Variants in DDX1 observed in about 807,000 individuals in gnomAD.
The protein encoded by DDX1 is ATP-dependent RNA helicase DDX1.
In DDX1, 28 loss-of-function variants were observed where a neutral mutation model predicts 108.7. The ratio of observed to expected loss-of-function variants is 0.26; its 90% CI spans 0.19 to 0.35. The LOEUF is 0.35. Ranked by LOEUF, DDX1 falls within the 10% of genes least tolerant of loss-of-function variation. The pLI is 1.00. For missense variants in DDX1, 710 were observed against 884.5 expected, an observed-to-expected ratio of 0.80 and a Z score of 2.50; for synonymous variants, 295 against 288.9, an observed-to-expected ratio of 1.02 and a Z score of -0.21.
Position 15,603,192 on chromosome 2 carries a change from G to A in DDX1, c.392G>A (p.Gly131Glu), listed in dbSNP as rs1416401709. The A allele has an allele frequency of 2.5e-6, 4 of 1,605,406 alleles. No individual in the cohort carries two copies. Among genetic ancestry groups the A allele is most frequent in the Non-Finnish European group, 2.6e-6 (3 of 1,174,546 alleles). The change falls in exon 8 of 26, where the codon GGG becomes GAG. Residue 131 changes from glycine (G) to glutamate (E), a missense_variant and splice_region_variant. Coordinates refer to ENST00000233084, the MANE Select transcript of DDX1 (RefSeq NM_004939.3). ...GCRATKGLMKGKHYYEVSCHD... is the reference protein window; with the variant it reads ...GCRATKGLMKEKHYYEVSCHD... The stretch of plus-strand genomic sequence containing the variant: ...ATCTCAATGTATTTTACCCTTGTAG[G>A]GAAACACTACTATGAAGTATCCTGT...
Position 15,605,923 on chromosome 2 carries a change from ATCTC to A in DDX1, c.626-15_626-12del, listed in dbSNP as rs72043264. ...AGGAAGGTCTTTTCTGATTGTTTTA[ATCTC>A]TCTCTCTCTCTTGTTTTTTAAGGAA... On this transcript the variant is annotated intron_variant, in intron 10 of 25. Coordinates refer to ENST00000233084, the MANE Select transcript of DDX1 (RefSeq NM_004939.3). 3,825 of 1,357,150 alleles carry A rather than the reference ATCTC, an allele frequency of 2.8e-3. 25 individuals are homozygous for A. The highest frequency in any genetic ancestry group is 0.018 in the African/African-American group (1,260 of 68,122). The allele number at this position is 1,357,150 out of a possible 1,614,324, so 84.1% of individuals were successfully genotyped here. A position where few individuals can be genotyped will look rare whatever the true frequency, so the allele number is the denominator to read the frequency against.
At chr2:15,602,765 G>T in intron 7 of DDX1, 134 bp downstream of exon 7, 1 of 631,300 alleles carries the variant, frequency 1.6e-6, no homozygotes, top group South Asian at 2.0e-5. Flanking sequence ...CCGGGCTGGA[G>T]GGCAGTGGTG....
intron 25 of DDX1, 120 bp downstream of exon 25, chr2:15,630,230 C>T: frequency 1.0e-6 from 1 of 994,804 alleles, no homozygotes; most frequent in Non-Finnish European, 1.5e-6. Flanking sequence ...GCGTGTTAAT[C>T]ATTCCCTCCT....
chr2:15,619,646 G>A (rs752313618), intron 16 of DDX1, among the ~76,000 whole-genome samples: 8 of 152,168 alleles, frequency 5.3e-5, no homozygotes, highest in Non-Finnish European at 7.3e-5. Flanking sequence ...GTTACTGGAC[G>A]AAATAGTATA....
chr2:15,607,368 G>T, intron 13 of DDX1, 55 bp downstream of exon 13: 2 of 1,539,062 alleles, frequency 1.3e-6, no homozygotes, highest in South Asian at 1.1e-5. Context: ...GAAGTTTTTT[G>T]GAAGAAGAAT....
Position 15,607,346 on chromosome 2 carries a change from G to A in DDX1, c.956+33G>A, listed in dbSNP as rs1665680228. On this transcript the variant is annotated intron_variant, in intron 13 of 25. Coordinates refer to ENST00000233084, the MANE Select transcript of DDX1 (RefSeq NM_004939.3). The stretch of plus-strand genomic sequence containing the variant: ...TTCCTTTTGTGCTGAAATGCTTATT[G>A]TCTTTTGGTTTGAAGTTTTTTGGAA... 3 of 1,604,382 alleles carry A rather than the reference G, an allele frequency of 1.9e-6. No homozygotes were observed. The African/African-American group carries it at 4.0e-5, about 22-fold the overall frequency.
chr2:15,630,586 C>T (rs1666175442), intron 25 of DDX1, among the ~76,000 whole-genome samples, 190 bp from the exon 26 acceptor site: 1 of 152,126 alleles, frequency 6.6e-6, no homozygotes, highest in African/African-American at 2.4e-5. Context: ...TTAGTGAGGC[C>T]TAATTATTTA....
At chr2:15,602,463 AT>A (rs1333241084) in intron 6 of DDX1, 84 bp from the exon 7 acceptor site, 150 of 908,986 alleles carry the variant, frequency 1.7e-4, no homozygotes, top group South Asian at 2.2e-4. Context: ...AGACTGAATG[AT>A]TTTTTTTGGT....
At chr2:15,628,731 C>G in intron 22 of DDX1, 21 bp downstream of exon 22, 1 of 1,612,054 alleles carries the variant, frequency 6.2e-7, no homozygotes, top group East Asian at 2.2e-5. Flanking sequence ...AATTTTTTTT[C>G]CCCCATTTTT....
intron 16 of DDX1, among the ~76,000 whole-genome samples, chr2:15,618,757 C>T (rs546272898): frequency 1.3e-5 from 2 of 152,376 alleles, no homozygotes; most frequent in South Asian, 4.1e-4. Flanking sequence ...TGCAGGCCAG[C>T]ACTGGGCCGT....
chr2:15,629,984 A>G lies in DDX1; in HGVS notation c.1972-6A>G, dbSNP rs748675871. 79 of 1,583,992 alleles carry G rather than the reference A, an allele frequency of 5.0e-5. No homozygotes were observed. Among genetic ancestry groups the G allele is most frequent in the Non-Finnish European group, 6.2e-5 (72 of 1,170,278 alleles). On this transcript the variant is annotated splice_polypyrimidine_tract_variant and splice_region_variant and intron_variant, in intron 24 of 25. Transcript: ENST00000233084. ...TTTATTTGGAAATTTTCTCTCCATT[A>G]CTTAGTTACTATCTGAGATAGAAGA... is the stretch of plus-strand genomic sequence containing the variant.
Position 15,596,305 on chromosome 2 carries a change from TGA to T in DDX1, c.133-427_133-426del, listed in dbSNP as rs772037156. 1.4e-3 allele frequency among the ~76,000 whole-genome samples: 213 copies of T among 152,304 alleles called. 1 individual carries two copies. Among genetic ancestry groups the T allele is most frequent in the Non-Finnish European group, 2.3e-3 (159 of 68,016 alleles). On this transcript the variant is annotated intron_variant, in intron 3 of 25. Coordinates refer to ENST00000233084, the MANE Select transcript of DDX1 (RefSeq NM_004939.3). ...TGGTTGGTAGCATAAAATATGTGTCTGAGGGGGGATAAACTTGAAATAAAATT... is the reference window on the plus strand; with the variant it reads ...TGGTTGGTAGCATAAAATATGTGTCTGGGGGGATAAACTTGAAATAAAATT...
chr2:15,602,169 T>C (rs1331734439), intron 6 of DDX1, among the ~76,000 whole-genome samples: 5 of 152,196 alleles, frequency 3.3e-5, no homozygotes, highest in African/African-American at 1.2e-4. Context: ...TACGTTTCTT[T>C]AAAGGGCTCC....
intron 7 of DDX1, among the ~76,000 whole-genome samples, chr2:15,602,941 A>AAC (rs1311351237): frequency 6.6e-6 from 1 of 152,172 alleles, no homozygotes; most frequent in Non-Finnish European, 1.5e-5. Context: ...TTGAACTCCT[A>AAC]ACCTCAGGTG....
At chr2:15,619,389 C>T (rs932888816) in intron 16 of DDX1, among the ~76,000 whole-genome samples, 2 of 152,248 alleles carry the variant, frequency 1.3e-5, no homozygotes, top group Non-Finnish European at 2.9e-5. Context: ...CCCAGCTTCG[C>T]GAAGGTTGGG....
intron 5 of DDX1, 63 bp from the exon 6 acceptor site, chr2:15,599,606 C>A: frequency 7.4e-7 from 1 of 1,342,302 alleles, no homozygotes; most frequent in Non-Finnish European, 1.0e-6. Flanking sequence ...AGTCACCGCA[C>A]CCGGCCAAGC....
At chr2:15,628,576 T>C (rs1435834210) in intron 21 of DDX1, 59 bp downstream of exon 21, 1 of 1,596,524 alleles carries the variant, frequency 6.3e-7, no homozygotes, top group Non-Finnish European at 8.6e-7. Flanking sequence ...AGTAAAGCCT[T>C]CTAATATGTT....
intron 4 of DDX1, 46 bp from the exon 5 acceptor site, chr2:15,597,329 G>A (rs371252225): frequency 3.5e-5 from 42 of 1,185,120 alleles, no homozygotes; most frequent in Middle Eastern, 2.1e-4. Context: ...TTAAATTGTC[G>A]TTAATATGTG....
chr2:15,601,271 T>C (rs1444619815), intron 6 of DDX1, among the ~76,000 whole-genome samples: 1 of 152,150 alleles, frequency 6.6e-6, no homozygotes, highest in Non-Finnish European at 1.5e-5. Flanking sequence ...ATTCTTGGTT[T>C]CCCATACTTT....
Sources: allele counts gnomAD v4.1 joint callset (sites outside exome capture counted in the v4.1 genomes callset), GRCh38; gene constraint gnomAD v4.1.1; transcripts MANE v1.5; gene names NCBI Gene and HGNC (gene_info 2026-07-23, HGNC 2026-07-21).